STPG4: variants seen among roughly 807,000 people sequenced by gnomAD.
STPG4 encodes protein STPG4.
Under a neutral mutation model 31.5 loss-of-function variants are expected in STPG4, and 41 were observed. That is an observed-to-expected ratio of 1.30 (90% CI 1.01 to 1.69). The LOEUF (loss-of-function observed/expected upper bound fraction) is 1.69, where lower values mean the gene tolerates loss of function less well. Among genes scored for constraint, STPG4 ranks in the 40% most tolerant of loss-of-function variants. The pLI is 0.00. For missense variants in STPG4, 375 were observed against 293.4 expected, an observed-to-expected ratio of 1.28 and a Z score of -2.03; for synonymous variants, 141 against 103.0, an observed-to-expected ratio of 1.37 and a Z score of -2.24.
chr2:47,129,859 G>A, intron 5 of STPG4, 82 bp downstream of exon 5: 1 of 1,565,176 alleles, frequency 6.4e-7, no homozygotes, highest in South Asian at 1.2e-5. Flanking sequence ...GGTTCTATGT[G>A]GCCACCTTGC....
chr2:47,145,771 T>C (rs1686809529), intron 3 of STPG4, among the ~76,000 whole-genome samples: 1 of 152,180 alleles, frequency 6.6e-6, no homozygotes, highest in African/African-American at 2.4e-5. Context: ...AATATTCATG[T>C]CCTCATGAAG....
At chr2:47,123,565 T>A (rs1395029769) in intron 5 of STPG4, among the ~76,000 whole-genome samples, 5 of 152,178 alleles carry the variant, frequency 3.3e-5, no homozygotes, top group Non-Finnish European at 7.3e-5. Context: ...TTTGAATAGG[T>A]GACTTGGGAA....
intron 5 of STPG4, among the ~76,000 whole-genome samples, chr2:47,112,649 T>C (rs1174239987): frequency 6.6e-6 from 1 of 152,214 alleles, no homozygotes; most frequent in Admixed American, 6.5e-5. Flanking sequence ...GCACCAGATC[T>C]ACAGCTCAGA....
intron 5 of STPG4, among the ~76,000 whole-genome samples, chr2:47,119,746 T>C (rs750557560): frequency 3.9e-5 from 6 of 152,210 alleles, no homozygotes; most frequent in Admixed American, 1.3e-4. Flanking sequence ...GTGAGGTTTG[T>C]AGTAGAAAAC....
At chr2:47,096,862 C>T (rs1168609685) in intron 5 of STPG4, among the ~76,000 whole-genome samples, 1 of 152,272 alleles carries the variant, frequency 6.6e-6, no homozygotes, top group East Asian at 1.9e-4. Flanking sequence ...ACCACCACCA[C>T]CACAGCAACC....
chr2:47,101,738 G>A (rs547388936), intron 5 of STPG4, among the ~76,000 whole-genome samples: 14 of 151,902 alleles, frequency 9.2e-5, no homozygotes, highest in African/African-American at 3.4e-4. Flanking sequence ...AGCTATTCCT[G>A]AAGCTAGGAT....
intron 3 of STPG4, among the ~76,000 whole-genome samples, chr2:47,137,115 G>A (rs1686612486): frequency 6.6e-6 from 1 of 152,130 alleles, no homozygotes; most frequent in Non-Finnish European, 1.5e-5. Flanking sequence ...TATGATGCTA[G>A]CTGTAGGTTT....
intron 5 of STPG4, among the ~76,000 whole-genome samples, chr2:47,122,017 C>G (rs1388881241): frequency 6.6e-6 from 1 of 152,132 alleles, no homozygotes; most frequent in African/African-American, 2.4e-5. Flanking sequence ...ATAGACATAT[C>G]TTTGGGGGCT....
intron 5 of STPG4, among the ~76,000 whole-genome samples, chr2:47,091,492 CT>C (rs1405280092): frequency 2.0e-5 from 3 of 152,174 alleles, no homozygotes; most frequent in East Asian, 1.9e-4. Flanking sequence ...TAGTAATTCG[CT>C]TTTTTCCCCC....
rs571911322 is a variant in STPG4, at chr2:47,097,512, G to C, written c.520-7138C>G. ...ATGGGACTCCTGCGCTTATAAAAGA[G>C]GCCTGAGGAAGCTTGTCTGCCTTCC... On this transcript the variant is annotated intron_variant, in intron 5 of 6. Transcript: ENST00000445927. Among the ~76,000 whole-genome samples, 26 of 152,166 alleles carry C rather than the reference G, an allele frequency of 1.7e-4. No individual in the cohort carries two copies. The South Asian group carries it at 5.4e-3, about 32-fold the overall frequency.
intron 5 of STPG4, among the ~76,000 whole-genome samples, chr2:47,101,405 A>T (rs1685796967): frequency 6.6e-6 from 1 of 151,690 alleles, no homozygotes. Flanking sequence ...CAGAACTCTA[A>T]AAGCATGTCA....
chr2:47,102,146 G>C (rs1685814490), intron 5 of STPG4, among the ~76,000 whole-genome samples: 1 of 141,946 alleles, frequency 7.0e-6, no homozygotes, highest in African/African-American at 2.8e-5. Context: ...GCAGGGTCCG[G>C]GGACCGTTGC....
intron 5 of STPG4, among the ~76,000 whole-genome samples, chr2:47,107,224 T>C (rs1322348633): frequency 6.6e-6 from 1 of 152,052 alleles, no homozygotes; most frequent in East Asian, 1.9e-4. Context: ...TGGGAGCCCC[T>C]TTCTGGGCTG....
At chr2:47,135,734 G>A (rs571578392) in intron 3 of STPG4, among the ~76,000 whole-genome samples, 8 of 152,144 alleles carry the variant, frequency 5.3e-5, no homozygotes, top group Non-Finnish European at 2.9e-5. Context: ...ACCATTTGTT[G>A]AAAAAACTAT....
intron 5 of STPG4, among the ~76,000 whole-genome samples, chr2:47,107,053 C>T (rs189862025): frequency 4.6e-4 from 70 of 152,066 alleles, no homozygotes; most frequent in Non-Finnish European, 8.5e-4. Context: ...CGGTCATTGG[C>T]CAAATTCCCA....
chr2:47,143,485 C>T (rs1271179537), intron 3 of STPG4, among the ~76,000 whole-genome samples: 4 of 151,028 alleles, frequency 2.6e-5, no homozygotes, highest in African/African-American at 9.7e-5. Flanking sequence ...ATGCCCTTTG[C>T]TCATTTTTTT....
chr2:47,152,790 C>G (rs1249042947), intron 2 of STPG4, among the ~76,000 whole-genome samples, 167 bp downstream of exon 2: 1 of 152,198 alleles, frequency 6.6e-6, no homozygotes, highest in Non-Finnish European at 1.5e-5. Flanking sequence ...AAGTTAGTTT[C>G]TTATTCATAT....
intron 1 of STPG4, among the ~76,000 whole-genome samples, chr2:47,154,688 A>T (rs1316213924): frequency 6.6e-6 from 1 of 152,198 alleles, no homozygotes; most frequent in Non-Finnish European, 1.5e-5. Flanking sequence ...CCGAGATCAC[A>T]CCGCTGCACT....
chr2:47,119,671 A>G (rs1339373665), intron 5 of STPG4, among the ~76,000 whole-genome samples: 1 of 148,890 alleles, frequency 6.7e-6, no homozygotes, highest in Non-Finnish European at 1.5e-5. Flanking sequence ...AAATAAAAAA[A>G]GACGTAACTA....
Sources: allele counts gnomAD v4.1 joint callset (sites outside exome capture counted in the v4.1 genomes callset), GRCh38; gene constraint gnomAD v4.1.1; transcripts MANE v1.5; gene names NCBI Gene and HGNC (gene_info 2026-07-23, HGNC 2026-07-21).